Variants in DGKD observed in about 807,000 individuals in gnomAD.
DGKD encodes the protein diacylglycerol kinase delta.
A neutral mutation model predicts 154.4 loss-of-function variants in DGKD; 68 were observed. The observed-to-expected ratio is 0.44, with a 90% CI of 0.36 to 0.54. The LOEUF (loss-of-function observed/expected upper bound fraction) is 0.54. DGKD is among the 20% of genes least tolerant of loss of function. The pLI, the probability that DGKD is intolerant of heterozygous loss-of-function variation, is 0.00. For synonymous variants in DGKD, 693 were observed against 638.0 expected (o/e 1.09, Z -1.30); for missense variants, 1,343 against 1,593.6 (o/e 0.84, Z 2.68).
At chr2:233,369,657 T>C (rs182094499) in intron 1 of DGKD, among the ~76,000 whole-genome samples, 356 of 152,322 alleles carry the variant, frequency 2.3e-3, no homozygotes, top group African/African-American at 7.8e-3. Context: ...GGGTTTGAAT[T>C]GCTGTTTCCT....
rs182902944 is a variant in DGKD, at chr2:233,463,166, T to G, written c.3186+431T>G. Among the ~76,000 whole-genome samples, 77 of 152,122 alleles carry G rather than the reference T, an allele frequency of 5.1e-4. 1 individual carries two copies. The highest frequency in any genetic ancestry group is 2.6e-4 in the Non-Finnish European group (18 of 67,954). ...AGAGACTGACTGGCCAGCCTTCTGGTTTTAAAGATGAGGAGGAAGGGGCTT... is the reference window on the plus strand; with the variant it reads ...AGAGACTGACTGGCCAGCCTTCTGGGTTTAAAGATGAGGAGGAAGGGGCTT... On this transcript the variant is annotated intron_variant, in intron 26 of 29. Transcript: ENST00000264057.
intron 3 of DGKD, among the ~76,000 whole-genome samples, chr2:233,415,625 C>CATTA (rs978463160): frequency 1.2e-4 from 18 of 152,240 alleles, no homozygotes; most frequent in African/African-American, 4.1e-4. Context: ...GGCATAGATA[C>CATTA]ATTAATTAAT....
Position 233,438,480 on chromosome 2 carries a change from T to A in DGKD, c.1085+101T>A. On this transcript the variant is annotated intron_variant, in intron 9 of 29. Coordinates refer to ENST00000264057, the MANE Select transcript of DGKD (RefSeq NM_152879.3). This position sits in a 1 kb window ranked among gnomAD's most constrained non-coding sequence, Gnocchi z 4.1. ...AAGTTCAAAGACACAAAGCTTTAAATAGGAAAGAAAAGTTGAACTGCTTCC... is the reference window on the plus strand; with the variant it reads ...AAGTTCAAAGACACAAAGCTTTAAAAAGGAAAGAAAAGTTGAACTGCTTCC... 7.2e-7 allele frequency: 1 copy of A among 1,396,008 alleles called. No individual in the cohort carries two copies. The highest frequency in any genetic ancestry group is 9.6e-7 in the Non-Finnish European group (1 of 1,036,936). 86.5% of individuals were successfully genotyped at this position (1,396,008 alleles called of 1,614,324 possible). A position where few individuals can be genotyped will look rare whatever the true frequency, so the allele number is the denominator to read the frequency against.
chr2:233,376,567 G>A (rs369063004), intron 1 of DGKD, among the ~76,000 whole-genome samples: 1 of 152,040 alleles, frequency 6.6e-6, no homozygotes, highest in African/African-American at 2.4e-5. Flanking sequence ...TCCCTTAGGA[G>A]GTCATTGTAT....
rs1336260994 is a variant in DGKD at position 233,459,672 on chromosome 2, A to G, written c.2695-85A>G. On this transcript the variant is annotated intron_variant, in intron 22 of 29. Coordinates refer to ENST00000264057, the MANE Select transcript of DGKD (RefSeq NM_152879.3). This position sits in a 1 kb window ranked among gnomAD's most constrained non-coding sequence, Gnocchi z 5.7. ...CAAGGCAGGGACGGGTGTGTGGAGCAGGAAGGTCATGGTGGTGCTGATAGC... is the reference window on the plus strand; with the variant it reads ...CAAGGCAGGGACGGGTGTGTGGAGCGGGAAGGTCATGGTGGTGCTGATAGC... 14 of 1,534,748 alleles carry G rather than the reference A, an allele frequency of 9.1e-6. No individual in the cohort carries two copies. The highest frequency in any genetic ancestry group is 1.1e-5 in the Non-Finnish European group (12 of 1,136,506).
chr2:233,457,045 A>C lies in DGKD; in HGVS notation c.2472+50A>C, dbSNP rs1303680064. On this transcript the variant is annotated intron_variant, in intron 20 of 29. Coordinates refer to ENST00000264057, the MANE Select transcript of DGKD (RefSeq NM_152879.3). This position sits in a 1 kb window ranked among gnomAD's most constrained non-coding sequence, Gnocchi z 5.5. Reference sequence around the variant, plus strand: ...TGCAGGCTGGCCTCCATCCATCAGCAGACTGCCAGGCCTATTGCTTCTCCT... The same window carrying C: ...TGCAGGCTGGCCTCCATCCATCAGCCGACTGCCAGGCCTATTGCTTCTCCT... 6.8e-7 allele frequency: 1 copy of C among 1,481,104 alleles called. No homozygotes were observed. The highest frequency in any genetic ancestry group is 9.4e-7 in the Non-Finnish European group (1 of 1,059,292). The allele number at this position is 1,481,104 out of a possible 1,614,324, so 91.7% of individuals were successfully genotyped here.
At chr2:233,361,505 T>A (rs1167283346) in intron 1 of DGKD, among the ~76,000 whole-genome samples, 1 of 152,042 alleles carries the variant, frequency 6.6e-6, no homozygotes, top group African/African-American at 2.4e-5. Flanking sequence ...CTAAAACCAG[T>A]CGAAACTACA....
intron 1 of DGKD, among the ~76,000 whole-genome samples, chr2:233,387,920 G>A (rs866756089): frequency 3.3e-5 from 5 of 152,122 alleles, no homozygotes; most frequent in Admixed American, 6.5e-5. Context: ...CACTGGCCCC[G>A]CGTCCCAGTG....
At chr2:233,435,045 C>G in intron 5 of DGKD, 144 bp downstream of exon 5, 1 of 1,175,852 alleles carries the variant, frequency 8.5e-7, no homozygotes, top group Non-Finnish European at 1.2e-6. Flanking sequence ...TCTGTGATGC[C>G]ATTCTTGTTT....
chr2:233,436,064 T>C, intron 6 of DGKD, 140 bp downstream of exon 6: 4 of 1,068,874 alleles, frequency 3.7e-6, no homozygotes, highest in Non-Finnish European at 5.3e-6. Context: ...CAGTGGAAAT[T>C]ATATGCGGTC....
At chr2:233,442,080 C>G (rs775698969) in intron 10 of DGKD, 85 bp downstream of exon 10, 2 of 1,172,652 alleles carry the variant, frequency 1.7e-6, no homozygotes, top group East Asian at 4.7e-5. Flanking sequence ...TCCTGTTCAT[C>G]TCGGAGCACC....
At chr2:233,400,066 GCA>G (rs1220848716) in intron 3 of DGKD, among the ~76,000 whole-genome samples, 3 of 152,218 alleles carry the variant, frequency 2.0e-5, no homozygotes, top group South Asian at 2.1e-4. Context: ...GACTCCAGAT[GCA>G]CAGTTTCTTC....
intron 1 of DGKD, among the ~76,000 whole-genome samples, chr2:233,370,587 T>TTTGTTG: frequency 6.6e-6 from 1 of 150,984 alleles, no homozygotes; most frequent in South Asian, 2.1e-4. Context: ...TTTTTTTTTT[T>TTTGTTG]TTGTTTGAGT....
In DGKD at chr2:233,441,005, G is replaced by A. The variant is rs2062868141; in HGVS notation, c.1086-882G>A. Among the ~76,000 whole-genome samples the A allele has an allele frequency of 6.6e-6, 1 of 152,196 alleles. No individual in the cohort carries two copies. Among genetic ancestry groups the A allele is most frequent in the African/African-American group, 2.4e-5 (1 of 41,444 alleles). On this transcript the variant is annotated intron_variant, in intron 9 of 29. Coordinates refer to ENST00000264057, the MANE Select transcript of DGKD (RefSeq NM_152879.3). The surrounding 1 kb of genome is among the most constrained non-coding windows in gnomAD (Gnocchi z 5.6). Reference sequence around the variant, plus strand: ...TGGTCGAGCTACCATTCTCCGAGTAGGGATGTGTCCTGTTGGATGTGCCCT... The same window carrying A: ...TGGTCGAGCTACCATTCTCCGAGTAAGGATGTGTCCTGTTGGATGTGCCCT...
At position 233,388,132 on chromosome 2, in the gene DGKD, AGT is replaced by A. The variant is rs1196990463; in HGVS notation, c.157-121_157-120del. Reference sequence around the variant, plus strand: ...TGTGCATAGGTCAAGGTCTGTTGAGAGTGTGAGAAATATTTTCTGTTAGAGAC... The same window carrying A: ...TGTGCATAGGTCAAGGTCTGTTGAGAGTGAGAAATATTTTCTGTTAGAGAC... On this transcript the variant is annotated intron_variant, in intron 1 of 29. Transcript: ENST00000264057. 2.0e-6 allele frequency: 3 copies of A among 1,537,722 alleles called. No individual in the cohort carries two copies. In the African/African-American group the frequency reaches 4.1e-5, roughly 21 times the overall value.
chr2:233,380,663 T>G (rs556844702), intron 1 of DGKD, among the ~76,000 whole-genome samples: 3 of 148,718 alleles, frequency 2.0e-5, no homozygotes, highest in South Asian at 2.1e-4. Context: ...GCAGTGAGGA[T>G]GTGTGTGTGT....
intron 1 of DGKD, among the ~76,000 whole-genome samples, chr2:233,365,412 T>A (rs1370113016): frequency 6.6e-6 from 1 of 152,080 alleles, no homozygotes; most frequent in African/African-American, 2.4e-5. Flanking sequence ...CTAATTTTTG[T>A]ATTTTTAATA....
chr2:233,354,626 A>C lies in DGKD; in HGVS notation c.108A>C (p.Pro36=). 8.9e-7 allele frequency: 1 copy of C among 1,122,730 alleles called. No homozygotes were observed. Among genetic ancestry groups the C allele is most frequent in the Non-Finnish European group, 1.1e-6 (1 of 902,656 alleles). The allele number at this position is 1,122,730 out of a possible 1,614,324, so 69.5% of individuals were successfully genotyped here. The part of the protein sequence containing the change: ...DSEPEAEPGS[P]QKLIRKVSTS... ...AGCCCGAGGCGGAGCCCGGCTCCCC[A>C]CAGAAGCTCATCCGCAAGGTGTCCA... Residue 36 remains proline, a synonymous_variant, in exon 1 of 30, where the codon CCA becomes CCC. Coordinates refer to ENST00000264057, the MANE Select transcript of DGKD (RefSeq NM_152879.3). This position sits in a 1 kb window ranked among gnomAD's most constrained non-coding sequence, Gnocchi z 4.8.
In DGKD at chr2:233,442,080, C is replaced by T. The variant is rs775698969; in HGVS notation, c.1194+85C>T. On this transcript the variant is annotated intron_variant, in intron 10 of 29. Transcript: ENST00000264057. ...TCATGCAGTCTCAGCTCCTGTTCATCTCGGAGCACCTGTTCTCAGGCCAGA... is the reference window on the plus strand; with the variant it reads ...TCATGCAGTCTCAGCTCCTGTTCATTTCGGAGCACCTGTTCTCAGGCCAGA... 4 of 1,172,652 alleles carry T rather than the reference C, an allele frequency of 3.4e-6. No homozygotes were observed. The South Asian group carries it at 4.9e-5, about 14-fold the overall frequency. The allele number at this position is 1,172,652 out of a possible 1,614,324, so 72.6% of individuals were successfully genotyped here.
Sources: allele counts gnomAD v4.1 joint callset (sites outside exome capture counted in the v4.1 genomes callset), GRCh38; gene constraint gnomAD v4.1.1; non-coding constraint Gnocchi (gnomAD v3.1); transcripts MANE v1.5; gene names NCBI Gene and HGNC (gene_info 2026-07-23, HGNC 2026-07-21).